Variants in WASL observed in about 807,000 individuals in gnomAD.
The protein encoded by WASL is actin nucleation-promoting factor WASL.
In WASL, 20 loss-of-function variants were observed where a neutral mutation model predicts 55.5. The ratio of observed to expected loss-of-function variants is 0.36; its 90% CI spans 0.25 to 0.52. The LOEUF is 0.52. WASL is among the 20% of genes least tolerant of loss of function. The probability of loss-of-function intolerance (pLI) is 0.92; values close to 1 mark genes in which losing one functional copy is unlikely to be tolerated. For synonymous variants in WASL, 249 were observed against 217.6 expected (o/e 1.14, Z -1.27); for missense variants, 504 against 622.5 (o/e 0.81, Z 2.03).
intron 4 of WASL, among the ~76,000 whole-genome samples, chr7:123,705,029 A>G (rs1584861345): frequency 6.6e-6 from 1 of 152,178 alleles, no homozygotes; most frequent in African/African-American, 2.4e-5. Context: ...TTAAATAGAG[A>G]AAGTGATATA....
intron 1 of WASL, among the ~76,000 whole-genome samples, chr7:123,715,520 G>A (rs768899909): frequency 1.3e-5 from 2 of 152,170 alleles, no homozygotes; most frequent in Non-Finnish European, 2.9e-5. Context: ...TATACTAAAA[G>A]ACATAACCTA....
intron 1 of WASL, among the ~76,000 whole-genome samples, chr7:123,742,514 A>G (rs1404472473): frequency 6.6e-6 from 1 of 152,192 alleles, no homozygotes; most frequent in African/African-American, 2.4e-5. Flanking sequence ...GATTTTTTTA[A>G]TATTGGAAAA....
chr7:123,707,426 A>G (rs1334945262), intron 2 of WASL, among the ~76,000 whole-genome samples: 4 of 152,228 alleles, frequency 2.6e-5, no homozygotes, highest in African/African-American at 9.6e-5. Context: ...ATTAAAATGT[A>G]TCAAGGTTAA....
At chr7:123,739,883 T>C (rs931857234) in intron 1 of WASL, among the ~76,000 whole-genome samples, 1 of 47,306 alleles carries the variant, frequency 2.1e-5, no homozygotes, top group African/African-American at 9.6e-5. Context: ...TATATGTGTG[T>C]GTGTGTGTGT....
At chr7:123,734,424 A>C (rs1804192240) in intron 1 of WASL, among the ~76,000 whole-genome samples, 1 of 152,140 alleles carries the variant, frequency 6.6e-6, no homozygotes, top group African/African-American at 2.4e-5. Context: ...AAAAGCAATG[A>C]GATATGATAG....
At chr7:123,711,651 AAC>A (rs775405467) in intron 1 of WASL, among the ~76,000 whole-genome samples, 35 of 152,290 alleles carry the variant, frequency 2.3e-4, no homozygotes, top group Admixed American at 9.2e-4. Flanking sequence ...ACAATATAAA[AAC>A]AGTCACTAAT....
intron 1 of WASL, among the ~76,000 whole-genome samples, chr7:123,709,466 A>G (rs1562960808): frequency 6.6e-6 from 1 of 152,222 alleles, no homozygotes; most frequent in Non-Finnish European, 1.5e-5. Flanking sequence ...ACATTTATTG[A>G]TGCTTAAAAT....
chr7:123,723,473 T>C (rs1008476496), intron 1 of WASL, among the ~76,000 whole-genome samples: 1 of 152,172 alleles, frequency 6.6e-6, no homozygotes. Flanking sequence ...AAAACCAAAT[T>C]AATAATCATG....
At chr7:123,706,225 C>T in intron 4 of WASL, 52 bp downstream of exon 4, 3 of 1,503,846 alleles carry the variant, frequency 2.0e-6, no homozygotes, top group Admixed American at 1.7e-5. Context: ...ACCACACTTG[C>T]CCCATGAGCA....
rs1041824605 is a variant in WASL at position 123,682,830 on chromosome 7, G to A, written c.*1689C>T. 13 of 152,158 alleles carry A rather than the reference G, an allele frequency of 8.5e-5. No homozygotes were observed. The highest frequency in any genetic ancestry group is 1.3e-4 in the Admixed American group (2 of 15,264). The allele number at this position is 152,158 out of a possible 1,614,324, so 9.4% of individuals were successfully genotyped here. ...AGAAAAAGGTTTCTAGCAGCAGAGGGCACTGTTGTTGCAAGAAACAAAAAG... is the reference window on the plus strand; with the variant it reads ...AGAAAAAGGTTTCTAGCAGCAGAGGACACTGTTGTTGCAAGAAACAAAAAG... On this transcript the variant is annotated 3_prime_UTR_variant, in exon 11 of 11. Transcript: ENST00000223023.
chr7:123,748,033 G>T (rs1406428328), intron 1 of WASL, among the ~76,000 whole-genome samples: 1 of 151,914 alleles, frequency 6.6e-6, no homozygotes, highest in Admixed American at 6.6e-5. Context: ...AGGCAAGGTT[G>T]CTAGAGAAAT....
chr7:123,743,579 C>A (rs1431565542), intron 1 of WASL, among the ~76,000 whole-genome samples: 1 of 152,088 alleles, frequency 6.6e-6, no homozygotes, highest in African/African-American at 2.4e-5. Context: ...TAAGTCAAAA[C>A]AAATACAATA....
chr7:123,702,347 C>T (rs1045156359), intron 5 of WASL, among the ~76,000 whole-genome samples: 14 of 152,234 alleles, frequency 9.2e-5, no homozygotes, highest in African/African-American at 2.2e-4. Flanking sequence ...AGAGCCACCG[C>T]GCCCGGCCTG....
intron 10 of WASL, among the ~76,000 whole-genome samples, chr7:123,685,034 GA>G (rs929340478): frequency 6.6e-6 from 1 of 151,726 alleles, no homozygotes; most frequent in African/African-American, 2.4e-5. Flanking sequence ...CAAAAACCTA[GA>G]AATTATTATT....
intron 2 of WASL, among the ~76,000 whole-genome samples, chr7:123,708,739 T>C (rs1053711863): frequency 6.6e-6 from 1 of 151,870 alleles, no homozygotes; most frequent in African/African-American, 2.4e-5. Flanking sequence ...GAACAGACTA[T>C]CTACGCTATT....
intron 1 of WASL, among the ~76,000 whole-genome samples, chr7:123,716,468 G>A (rs1442437806): frequency 3.3e-5 from 5 of 151,742 alleles, no homozygotes; most frequent in Non-Finnish European, 5.9e-5. Flanking sequence ...TCTGCTTGAC[G>A]ATTGCTTGAA....
chr7:123,717,943 G>A (rs904333263), intron 1 of WASL, among the ~76,000 whole-genome samples: 2 of 151,902 alleles, frequency 1.3e-5, no homozygotes, highest in Admixed American at 6.5e-5. Context: ...GGCTGAATTT[G>A]GTCCATGGTT....
chr7:123,732,112 G>A (rs1804148367), intron 1 of WASL, among the ~76,000 whole-genome samples: 1 of 152,144 alleles, frequency 6.6e-6, no homozygotes, highest in African/African-American at 2.4e-5. Flanking sequence ...CAGATCACGA[G>A]ATCAGGAGAT....
At chr7:123,688,997 ACTCTCTCTGT>A in intron 10 of WASL, 35 bp downstream of exon 10, 3 of 1,432,596 alleles carry the variant, frequency 2.1e-6, no homozygotes, top group East Asian at 2.3e-5. Flanking sequence ...ACACACGCAC[ACTCTCTCTGT>A]CTCTCTCTCT....
Sources: gnomAD v4.1 joint callset for allele counts (sites outside exome capture counted in the v4.1 genomes callset) on GRCh38, gnomAD v4.1.1 for gene constraint, MANE v1.5 for transcripts, NCBI Gene and HGNC (gene_info 2026-07-23, HGNC 2026-07-21) for gene names.